DCHS2: variants seen among roughly 807,000 people sequenced by gnomAD.
DCHS2 encodes dachsous cadherin-related 2.
DCHS2 carries 142 observed loss-of-function variants against 182.4 expected under a neutral mutation model. The observed-to-expected ratio is 0.78, with a 90% CI of 0.68 to 0.89. The LOEUF is 0.89. Ranked by LOEUF, DCHS2 falls within the 40% of genes least tolerant of loss-of-function variation. DCHS2 has a pLI of 0.00. For synonymous variants in DCHS2, 1,740 were observed against 1,663.3 expected, an observed-to-expected ratio of 1.05 and a Z score of -1.12; for missense variants, 4,319 against 4,198.6, an observed-to-expected ratio of 1.03 and a Z score of -0.79.
intron 3 of DCHS2, among the ~76,000 whole-genome samples, chr4:154,365,672 G>T (rs1730316347): frequency 6.7e-6 from 1 of 150,298 alleles, no homozygotes; most frequent in Non-Finnish European, 1.5e-5. Context: ...CTTTTTTTTA[G>T]ACGGAGTCTC....
chr4:154,254,436 C>T (rs9685763), intron 16 of DCHS2, among the ~76,000 whole-genome samples: 68,279 of 152,012 alleles, frequency 0.45, 15,934 homozygotes, highest in African/African-American at 0.58. Context: ...TAGAGTTATG[C>T]CTCTTTCTTT....
chr4:154,290,851 G>C (rs1050170653), intron 13 of DCHS2, among the ~76,000 whole-genome samples: 4 of 152,190 alleles, frequency 2.6e-5, no homozygotes, highest in Admixed American at 2.0e-4. Context: ...GAAAACATTG[G>C]GGAAACGCTC....
intron 7 of DCHS2, among the ~76,000 whole-genome samples, chr4:154,324,637 C>A (rs1398150430): frequency 6.6e-6 from 1 of 152,164 alleles, no homozygotes; most frequent in Non-Finnish European, 1.5e-5. Flanking sequence ...AAACCTCAGA[C>A]AAGTCTTGAG....
chr4:154,293,482 G>C (rs1311364908), intron 13 of DCHS2, among the ~76,000 whole-genome samples: 2 of 152,002 alleles, frequency 1.3e-5, no homozygotes, highest in Non-Finnish European at 2.9e-5. Context: ...GCGCCCGGCC[G>C]GTATTAGGAA....
Position 154,333,099 on chromosome 4 carries a change from G to A in DCHS2, c.3109C>T (p.Leu1037Phe). ...AIDRALGVLFLNGSLGAGEQR... is the reference protein window; with the variant it reads ...AIDRALGVLFFNGSLGAGEQR... Reference sequence around the variant, plus strand: ...TCGCCCGCGCCCAGGCTGCCGTTGAGGAACAGCACCCCCAGGGCTCTGTCG... The same window carrying A: ...TCGCCCGCGCCCAGGCTGCCGTTGAAGAACAGCACCCCCAGGGCTCTGTCG... The change falls in exon 5 of 20, where the codon CTC becomes TTC. Residue 1037 changes from leucine to phenylalanine, a missense_variant. By Grantham distance (22) the Leu-to-Phe change is conservative. Transcript: ENST00000357232. The A allele has an allele frequency of 6.2e-7, 1 of 1,614,074 alleles. No homozygotes were observed. The highest frequency in any genetic ancestry group is 8.5e-7 in the Non-Finnish European group (1 of 1,180,012).
intron 9 of DCHS2, 90 bp downstream of exon 9, chr4:154,320,288 AC>A: frequency 6.6e-7 from 1 of 1,511,000 alleles, no homozygotes; most frequent in Non-Finnish European, 8.8e-7. Flanking sequence ...AATGTATTGT[AC>A]ACTTAAAACT....
At chr4:154,469,078 G>A (rs914982378) in intron 1 of DCHS2, among the ~76,000 whole-genome samples, 1 of 151,996 alleles carries the variant, frequency 6.6e-6, no homozygotes, top group African/African-American at 2.4e-5. Context: ...CCTCGATAAA[G>A]CTGAAAAATA....
At chr4:154,250,414 TGAA>T (rs1732294842) in intron 16 of DCHS2, among the ~76,000 whole-genome samples, 1 of 152,208 alleles carries the variant, frequency 6.6e-6, no homozygotes, top group Non-Finnish European at 1.5e-5. Flanking sequence ...TTTCCCTGGA[TGAA>T]TCTCAAATCC....
At chr4:154,452,306 G>A in intron 1 of DCHS2, among the ~76,000 whole-genome samples, 1 of 152,104 alleles carries the variant, frequency 6.6e-6, no homozygotes, top group East Asian at 1.9e-4. Context: ...CTCCTAACAT[G>A]TATTAACTTG....
chr4:154,297,751 T>C, intron 13 of DCHS2, 100 bp downstream of exon 13: 1 of 1,504,702 alleles, frequency 6.6e-7, no homozygotes, highest in Non-Finnish European at 8.9e-7. Context: ...CTAAAAAATG[T>C]ATAACTGAAT....
At chr4:154,368,857 G>T (rs1730515485) in intron 2 of DCHS2, among the ~76,000 whole-genome samples, 1 of 152,144 alleles carries the variant, frequency 6.6e-6, no homozygotes, top group African/African-American at 2.4e-5. Flanking sequence ...AGAGGGCTGG[G>T]CATTTAGTGA....
At chr4:154,436,029 T>C (rs1180406270) in intron 1 of DCHS2, among the ~76,000 whole-genome samples, 2 of 152,364 alleles carry the variant, frequency 1.3e-5, no homozygotes, top group East Asian at 1.9e-4. Context: ...CTTCTTTTGC[T>C]AAATTCCCCA....
intron 14 of DCHS2, among the ~76,000 whole-genome samples, chr4:154,266,530 C>A (rs1394023990): frequency 6.6e-6 from 1 of 151,960 alleles, no homozygotes; most frequent in African/African-American, 2.4e-5. Flanking sequence ...GTGGCGCATG[C>A]CTGTAGTCCT....
At chr4:154,316,022 G>T (rs1735843312) in intron 9 of DCHS2, 35 bp from the exon 10 acceptor site, 5 of 1,609,612 alleles carry the variant, frequency 3.1e-6, no homozygotes, top group Non-Finnish European at 4.2e-6. Context: ...AACATGTAAT[G>T]AATATTCTTT....
chr4:154,285,490 A>C (rs1734352994), intron 13 of DCHS2, among the ~76,000 whole-genome samples: 1 of 152,132 alleles, frequency 6.6e-6, no homozygotes, highest in Admixed American at 6.5e-5. Flanking sequence ...CCCAAGGCAG[A>C]GGGGAGCCTA....
intron 1 of DCHS2, among the ~76,000 whole-genome samples, chr4:154,383,426 C>T (rs955627426): frequency 1.3e-5 from 2 of 152,156 alleles, no homozygotes; most frequent in African/African-American, 4.8e-5. Context: ...ACACAATACA[C>T]TCACATGACA....
At chr4:154,325,316 CGTGTGTGTGTGTGT>C (rs75589397) in intron 7 of DCHS2, among the ~76,000 whole-genome samples, 6,384 of 142,732 alleles carry the variant, frequency 0.045, 230 homozygotes, top group Non-Finnish European at 0.058. Flanking sequence ...GGATTATAGC[CGTGTGTGTGTGTGT>C]GTGTGTGTGT....
At chr4:154,328,710 C>A (rs1248200701) in intron 6 of DCHS2, among the ~76,000 whole-genome samples, 1 of 152,120 alleles carries the variant, frequency 6.6e-6, no homozygotes, top group Non-Finnish European at 1.5e-5. Flanking sequence ...AGCCACAGGA[C>A]ATTTTAATGA....
At chr4:154,326,996 C>A (rs1387248340) in intron 7 of DCHS2, among the ~76,000 whole-genome samples, 2 of 152,128 alleles carry the variant, frequency 1.3e-5, no homozygotes, top group Non-Finnish European at 2.9e-5. Flanking sequence ...GATATTGAGT[C>A]TTCCCAAGCA....
Sources: allele counts gnomAD v4.1 joint callset (sites outside exome capture counted in the v4.1 genomes callset), GRCh38; gene constraint gnomAD v4.1.1; transcripts MANE v1.5; gene names NCBI Gene and HGNC (gene_info 2026-07-23, HGNC 2026-07-21).